The following MORC1 variants were observed in gnomAD, a reference collection of about 807,000 sequenced individuals.
MORC1 encodes MORC family CW-type zinc finger protein 1.
MORC1 carries 59 observed loss-of-function variants against 134.9 expected under a neutral mutation model. That is an observed-to-expected ratio of 0.44 (90% CI 0.35 to 0.54). The LOEUF (loss-of-function observed/expected upper bound fraction) is 0.54, where lower values mean the gene tolerates loss of function less well. Ranked by LOEUF, MORC1 falls within the 20% of genes least tolerant of loss-of-function variation. MORC1 has a pLI of 0.00. For synonymous variants in MORC1, 395 were observed against 391.7 expected (o/e 1.01, Z -0.10); for missense variants, 947 against 1,134.5 (o/e 0.83, Z 2.37).
At chr3:109,029,319 T>C (rs1342194112) in intron 16 of MORC1, among the ~76,000 whole-genome samples, 1 of 152,206 alleles carries the variant, frequency 6.6e-6, no homozygotes, top group Non-Finnish European at 1.5e-5. Context: ...TGGGGTGGCA[T>C]CTATACAGGC....
At chr3:109,015,675 T>C (rs1948801250) in intron 17 of MORC1, among the ~76,000 whole-genome samples, 1 of 152,238 alleles carries the variant, frequency 6.6e-6, no homozygotes, top group Non-Finnish European at 1.5e-5. Context: ...TAGAAACTTC[T>C]TTTCCCACAG....
chr3:109,098,855 A>G (rs1365306027), intron 6 of MORC1, among the ~76,000 whole-genome samples: 1 of 152,188 alleles, frequency 6.6e-6, no homozygotes, highest in Non-Finnish European at 1.5e-5. Context: ...TGTATTTGTT[A>G]TATTGAATTA....
chr3:109,033,285 G>GAA (rs1949281800), intron 15 of MORC1, among the ~76,000 whole-genome samples: 1 of 137,452 alleles, frequency 7.3e-6, no homozygotes, highest in African/African-American at 2.8e-5. Flanking sequence ...AAGCAAGAAA[G>GAA]GAGGAAGGAA....
chr3:108,959,943 T>C (rs1230535095), intron 27 of MORC1, among the ~76,000 whole-genome samples: 2 of 152,196 alleles, frequency 1.3e-5, no homozygotes, highest in Non-Finnish European at 1.5e-5. Flanking sequence ...AAATCATTCA[T>C]GCTTCATGAA....
chr3:108,961,041 G>A (rs1270582305), intron 27 of MORC1, among the ~76,000 whole-genome samples: 1 of 152,160 alleles, frequency 6.6e-6, no homozygotes, highest in Non-Finnish European at 1.5e-5. Flanking sequence ...AGGTCTCCTT[G>A]AATGTTCCCT....
chr3:109,088,018 G>A (rs1950648970), intron 8 of MORC1, among the ~76,000 whole-genome samples: 1 of 152,086 alleles, frequency 6.6e-6, no homozygotes, highest in Admixed American at 6.6e-5. Context: ...TAACTGGCTA[G>A]CCATATGCAG....
At chr3:109,056,528 T>C (rs1053943676) in intron 13 of MORC1, among the ~76,000 whole-genome samples, 27 of 152,160 alleles carry the variant, frequency 1.8e-4, no homozygotes, top group Admixed American at 1.7e-3. Context: ...AGCCCAGCCA[T>C]AATCTAGGTT....
chr3:108,959,725 A>T (rs980438695), intron 27 of MORC1, among the ~76,000 whole-genome samples: 2 of 152,168 alleles, frequency 1.3e-5, no homozygotes, highest in African/African-American at 4.8e-5. Flanking sequence ...TTATGAAAAA[A>T]CTACGTAGGC....
chr3:109,112,444 T>C (rs1951187710), intron 2 of MORC1, among the ~76,000 whole-genome samples: 2 of 152,228 alleles, frequency 1.3e-5, no homozygotes, highest in Admixed American at 6.5e-5. Flanking sequence ...TAAGACCAAC[T>C]CAGTATCTTA....
chr3:109,043,091 C>A (rs1204225705), intron 14 of MORC1, among the ~76,000 whole-genome samples: 2 of 145,900 alleles, frequency 1.4e-5, no homozygotes, highest in Non-Finnish European at 3.0e-5. Context: ...AATGTGTATA[C>A]CCATCTTCAT....
At chr3:109,113,742 G>A (rs1488227358) in intron 2 of MORC1, among the ~76,000 whole-genome samples, 2 of 151,484 alleles carry the variant, frequency 1.3e-5, no homozygotes, top group African/African-American at 2.4e-5. Flanking sequence ...ACTGTTTAAC[G>A]GGTTCCTTAA....
At chr3:109,077,773 T>G (rs938403184) in intron 8 of MORC1, among the ~76,000 whole-genome samples, 1 of 152,156 alleles carries the variant, frequency 6.6e-6, no homozygotes, top group South Asian at 2.1e-4. Flanking sequence ...AGTCCAGCCA[T>G]AGCAGATGTC....
intron 24 of MORC1, among the ~76,000 whole-genome samples, chr3:108,978,170 C>T (rs1368131792): frequency 2.0e-5 from 3 of 152,208 alleles, no homozygotes; most frequent in Non-Finnish European, 2.9e-5. Flanking sequence ...AGCCACTGCG[C>T]CCGGCCAAGG....
At chr3:109,038,578 G>GT (rs1559911138) in intron 14 of MORC1, among the ~76,000 whole-genome samples, 1 of 152,068 alleles carries the variant, frequency 6.6e-6, no homozygotes, top group African/African-American at 2.4e-5. Flanking sequence ...TAGGTCTTAC[G>GT]TTTAAGTCTT....
intron 24 of MORC1, among the ~76,000 whole-genome samples, chr3:108,975,257 C>T (rs375181791): frequency 1.9e-4 from 29 of 152,282 alleles, no homozygotes; most frequent in African/African-American, 7.0e-4. Flanking sequence ...CAGTAAAAGA[C>T]TAGTATGAAA....
At chr3:109,066,171 G>C (rs931974379) in intron 9 of MORC1, among the ~76,000 whole-genome samples, 1 of 151,804 alleles carries the variant, frequency 6.6e-6, no homozygotes, top group Non-Finnish European at 1.5e-5. Flanking sequence ...GTATCTAAAA[G>C]TTGAAATTTA....
chr3:108,978,270 C>T (rs6783997), intron 24 of MORC1, among the ~76,000 whole-genome samples: 2 of 152,084 alleles, frequency 1.3e-5, no homozygotes, highest in East Asian at 1.9e-4. Flanking sequence ...CCAACCAGAC[C>T]GAAAGGGATA....
chr3:109,031,035 AT>A (rs1029517868), intron 16 of MORC1, among the ~76,000 whole-genome samples: 2 of 152,204 alleles, frequency 1.3e-5, no homozygotes, highest in Admixed American at 6.5e-5. Flanking sequence ...TTTGAAACCA[AT>A]TTTACAATGC....
intron 21 of MORC1, among the ~76,000 whole-genome samples, chr3:108,996,514 A>G (rs1328623473): frequency 6.6e-6 from 1 of 152,188 alleles, no homozygotes; most frequent in African/African-American, 2.4e-5. Flanking sequence ...AAGGATTAAG[A>G]TTTTGTAAAG....
Sources: allele counts gnomAD v4.1 joint callset (sites outside exome capture counted in the v4.1 genomes callset), GRCh38; gene constraint gnomAD v4.1.1; transcripts MANE v1.5; gene names NCBI Gene and HGNC (gene_info 2026-07-23, HGNC 2026-07-21).